The following WWOX variants were observed in gnomAD, a reference collection of about 807,000 sequenced individuals.
The protein encoded by WWOX is WW domain containing oxidoreductase.
WWOX carries 69 observed loss-of-function variants against 46.2 expected under a neutral mutation model. The ratio of observed to expected loss-of-function variants is 1.49; its 90% confidence interval spans 1.23 to 1.82. The LOEUF (loss-of-function observed/expected upper bound fraction) is 1.82, where lower values mean the gene tolerates loss of function less well. Among genes scored for constraint, WWOX ranks in the 40% most tolerant of loss-of-function variants. The pLI is 0.00. For missense variants in WWOX, 919 were observed against 542.6 expected (o/e 1.69, Z -6.89); for synonymous variants, 359 against 202.6 (o/e 1.77, Z -6.56).
At chr16:79,020,310 T>C (rs537606115) in intron 8 of WWOX, among the ~76,000 whole-genome samples, 1 of 152,300 alleles carries the variant, frequency 6.6e-6, no homozygotes, top group East Asian at 1.9e-4. Context: ...AGGTGACTTT[T>C]TAAGGGGTTT....
At chr16:78,668,256 G>C (rs1375421400) in intron 8 of WWOX, among the ~76,000 whole-genome samples, 3 of 152,180 alleles carry the variant, frequency 2.0e-5, no homozygotes, top group Non-Finnish European at 4.4e-5. Context: ...ACTCCAGCCT[G>C]TGTGACAGAG....
At chr16:78,394,514 C>T (rs969166516) in intron 6 of WWOX, among the ~76,000 whole-genome samples, 1 of 152,166 alleles carries the variant, frequency 6.6e-6, no homozygotes, top group African/African-American at 2.4e-5. Context: ...ACTTTTTCAG[C>T]ATTCAGTCTT....
At chr16:78,102,994 C>G (rs1285726614) in intron 1 of WWOX, among the ~76,000 whole-genome samples, 1 of 152,164 alleles carries the variant, frequency 6.6e-6, no homozygotes, top group Non-Finnish European at 1.5e-5. Context: ...TCCTTTGCCA[C>G]TCAGCCCCAG....
intron 8 of WWOX, among the ~76,000 whole-genome samples, chr16:78,765,987 A>C (rs909493341): frequency 6.6e-6 from 1 of 152,222 alleles, no homozygotes; most frequent in African/African-American, 2.4e-5. Context: ...GACTAGATCC[A>C]GGAAATACAG....
intron 8 of WWOX, among the ~76,000 whole-genome samples, chr16:78,945,727 A>T (rs966343412): frequency 6.7e-6 from 1 of 148,882 alleles, no homozygotes. Flanking sequence ...TGCTTCATTC[A>T]TTTCTTTCCA....
chr16:79,152,351 C>T (rs1175234444), intron 8 of WWOX, among the ~76,000 whole-genome samples: 1 of 151,992 alleles, frequency 6.6e-6, no homozygotes, highest in South Asian at 2.1e-4. Flanking sequence ...GGGGTGAAGC[C>T]AAGGGGAAGA....
chr16:78,704,924 T>G (rs1260034358), intron 8 of WWOX, among the ~76,000 whole-genome samples: 1 of 151,248 alleles, frequency 6.6e-6, no homozygotes, highest in Non-Finnish European at 1.5e-5. Context: ...CAACTTGTTT[T>G]TTTTTTTTTT....
chr16:78,365,460 A>C lies in WWOX; in HGVS notation c.517-21400A>C, dbSNP rs111519488. ...TCCCACCAATAAACTGTGGTTCCCA[A>C]CAAGGCTTGCAACTGAATCTGGGCA... is the stretch of plus-strand genomic sequence containing the variant. On this transcript the variant is annotated intron_variant, in intron 5 of 8. Coordinates refer to ENST00000566780, the MANE Select transcript of WWOX (RefSeq NM_016373.4). Among the ~76,000 whole-genome samples the C allele has an allele frequency of 3.9e-5, 6 of 152,324 alleles. No homozygotes were observed. In the East Asian group the frequency reaches 1.2e-3, roughly 29 times the overall value.
chr16:78,638,223 G>C (rs2046621350), intron 8 of WWOX, among the ~76,000 whole-genome samples: 2 of 152,178 alleles, frequency 1.3e-5, no homozygotes, highest in South Asian at 4.1e-4. Context: ...TTGCAGACAA[G>C]CCAACGAAGG....
chr16:79,188,166 G>C (rs142337034), intron 8 of WWOX, among the ~76,000 whole-genome samples: 19 of 152,324 alleles, frequency 1.2e-4, no homozygotes, highest in Non-Finnish European at 2.8e-4. Context: ...GAAGTCTTGA[G>C]CTAAACGAAG....
At chr16:78,222,836 C>A (rs571294806) in intron 5 of WWOX, among the ~76,000 whole-genome samples, 2 of 152,290 alleles carry the variant, frequency 1.3e-5, no homozygotes, top group East Asian at 3.9e-4. Flanking sequence ...GACACGCGCT[C>A]CAGATAAGTA....
At chr16:78,617,938 G>A (rs2046068636) in intron 8 of WWOX, among the ~76,000 whole-genome samples, 1 of 152,148 alleles carries the variant, frequency 6.6e-6, no homozygotes, top group South Asian at 2.1e-4. Context: ...AAGTGTGAGT[G>A]GGAAAGGACT....
intron 5 of WWOX, among the ~76,000 whole-genome samples, chr16:78,185,457 G>T (rs2035667548): frequency 6.6e-6 from 1 of 151,576 alleles, no homozygotes; most frequent in Non-Finnish European, 1.5e-5. Flanking sequence ...CGAAGCCGCA[G>T]AACTTTTTCA....
At chr16:78,894,193 G>A (rs1388541864) in intron 8 of WWOX, among the ~76,000 whole-genome samples, 1 of 152,000 alleles carries the variant, frequency 6.6e-6, no homozygotes, top group Non-Finnish European at 1.5e-5. Context: ...CAAGTGTACT[G>A]TGGCAATTGT....
chr16:78,713,276 A>G (rs1191406055), intron 8 of WWOX, among the ~76,000 whole-genome samples: 1 of 136,918 alleles, frequency 7.3e-6, no homozygotes, highest in Non-Finnish European at 1.6e-5. Context: ...TCTGTCTCAA[A>G]AAAAAAAAAA....
At chr16:79,062,944 C>T (rs549382699) in intron 8 of WWOX, among the ~76,000 whole-genome samples, 24 of 152,338 alleles carry the variant, frequency 1.6e-4, no homozygotes, top group African/African-American at 5.3e-4. Flanking sequence ...GTCAATTACC[C>T]ACCCAAATCA....
chr16:78,396,550 C>T (rs563319695), intron 6 of WWOX, among the ~76,000 whole-genome samples: 4 of 152,090 alleles, frequency 2.6e-5, no homozygotes, highest in African/African-American at 9.7e-5. Context: ...TACAATTACC[C>T]CAGGGTTGTC....
chr16:78,840,687 C>G (rs2052116165), intron 8 of WWOX, among the ~76,000 whole-genome samples: 1 of 151,182 alleles, frequency 6.6e-6, no homozygotes, highest in Admixed American at 6.6e-5. Context: ...TAGGTGGGGC[C>G]CGAGCTTCTT....
chr16:78,730,497 G>C (rs2048943328), intron 8 of WWOX, among the ~76,000 whole-genome samples: 1 of 151,998 alleles, frequency 6.6e-6, no homozygotes, highest in Non-Finnish European at 1.5e-5. Flanking sequence ...TCTTGCTCAG[G>C]CTGGAGTGCG....
Sources: gnomAD v4.1 joint callset for allele counts (sites outside exome capture counted in the v4.1 genomes callset) on GRCh38, gnomAD v4.1.1 for gene constraint, MANE v1.5 for transcripts, NCBI Gene and HGNC (gene_info 2026-07-23, HGNC 2026-07-21) for gene names.